The following PCDH9 variants were observed in gnomAD, a reference collection of about 807,000 sequenced individuals.
PCDH9 encodes protocadherin 9.
A neutral mutation model predicts 70.6 loss-of-function variants in PCDH9; 24 were observed. That is an observed-to-expected ratio of 0.34 (90% CI 0.25 to 0.48). The LOEUF is 0.48. Ranked by LOEUF, PCDH9 falls within the 20% of genes least tolerant of loss-of-function variation. The pLI is 0.99. For synonymous variants in PCDH9, 562 were observed against 558.5 expected (o/e 1.01, Z -0.09); for missense variants, 1,281 against 1,503.6 (o/e 0.85, Z 2.45).
intron 4 of PCDH9, among the ~76,000 whole-genome samples, chr13:66,470,433 C>T (rs549864724): frequency 1.3e-5 from 2 of 152,168 alleles, no homozygotes; most frequent in African/African-American, 4.8e-5. Flanking sequence ...TCCCTAAGTA[C>T]GTTAGTACCA....
intron 3 of PCDH9, among the ~76,000 whole-genome samples, chr13:66,781,236 A>G (rs1219340586): frequency 1.3e-5 from 2 of 152,226 alleles, no homozygotes; most frequent in Non-Finnish European, 2.9e-5. Context: ...ATACTCAAAC[A>G]GAAAATGACT....
chr13:66,877,314 A>T (rs1021615922), intron 3 of PCDH9, among the ~76,000 whole-genome samples: 1 of 151,584 alleles, frequency 6.6e-6, no homozygotes, highest in Non-Finnish European at 1.5e-5. Flanking sequence ...TAGAAATAAT[A>T]AAGCAAAATT....
In PCDH9 at chr13:66,854,119, T is replaced by C. The variant is rs2081357530; in HGVS notation, c.3138+49385A>G. Among the ~76,000 whole-genome samples, 4 of 152,194 alleles carry C rather than the reference T, an allele frequency of 2.6e-5. No homozygotes were observed. The South Asian group carries it at 8.3e-4, about 31-fold the overall frequency. ...TGCTCTTTTGTGAATAATTGAGTAT[T>C]GTACTGCTTATAATGAGAAGTATAG... On this transcript the variant is annotated intron_variant, in intron 3 of 4. Transcript: ENST00000377865.
chr13:66,731,294 A>G (rs902262794), intron 3 of PCDH9, among the ~76,000 whole-genome samples: 1 of 152,084 alleles, frequency 6.6e-6, no homozygotes, highest in Admixed American at 6.5e-5. Flanking sequence ...TCATGGTTAT[A>G]TAAAGGATTG....
Position 66,846,827 on chromosome 13 carries a change from G to T in PCDH9, c.3138+56677C>A, listed in dbSNP as rs139468098. The stretch of plus-strand genomic sequence containing the variant: ...AGGCTGTAATAGTAAAACTTGCTAT[G>T]AAAGAGAACAAAATCTTCCTCTGGG... On this transcript the variant is annotated intron_variant, in intron 3 of 4. Transcript: ENST00000377865. 1.1e-3 allele frequency among the ~76,000 whole-genome samples: 169 copies of T among 151,610 alleles called. 5 individuals are homozygous for T. In the East Asian group the frequency reaches 0.028, roughly 25 times the overall value.
At chr13:66,940,573 T>G (rs543562700) in intron 2 of PCDH9, among the ~76,000 whole-genome samples, 1 of 152,246 alleles carries the variant, frequency 6.6e-6, no homozygotes, top group Admixed American at 6.5e-5. Flanking sequence ...TGTTTAACTT[T>G]TGAATAATAA....
intron 4 of PCDH9, among the ~76,000 whole-genome samples, chr13:66,574,686 T>C (rs912197584): frequency 6.6e-6 from 1 of 152,196 alleles, no homozygotes; most frequent in Non-Finnish European, 1.5e-5. Flanking sequence ...TACTGAGCTG[T>C]TCTCCCTTTC....
intron 2 of PCDH9, among the ~76,000 whole-genome samples, chr13:67,184,858 G>A (rs1021976317): frequency 2.0e-5 from 3 of 152,150 alleles, no homozygotes; most frequent in Non-Finnish European, 4.4e-5. Flanking sequence ...TTCACGAGGA[G>A]TGACCTTTTC....
intron 4 of PCDH9, among the ~76,000 whole-genome samples, chr13:66,418,480 T>C (rs1218568580): frequency 6.6e-6 from 1 of 152,192 alleles, no homozygotes; most frequent in African/African-American, 2.4e-5. Flanking sequence ...GTCTTGGCTA[T>C]ATGGGCTCTT....
chr13:67,208,991 G>T (rs2089414920), intron 2 of PCDH9: 2 of 152,108 alleles, frequency 1.3e-5, no homozygotes, highest in African/African-American at 4.8e-5. Flanking sequence ...TTTAGATTGT[G>T]TAAGTATTAT....
At chr13:66,778,476 G>A (rs576651248) in intron 3 of PCDH9, among the ~76,000 whole-genome samples, 2 of 152,234 alleles carry the variant, frequency 1.3e-5, no homozygotes, top group South Asian at 4.2e-4. Flanking sequence ...ATCATGGCAG[G>A]AGTGATGGCT....
At chr13:66,514,151 T>A (rs1006849069) in intron 4 of PCDH9, among the ~76,000 whole-genome samples, 1 of 152,126 alleles carries the variant, frequency 6.6e-6, no homozygotes, top group Non-Finnish European at 1.5e-5. Flanking sequence ...TGGTTAAATA[T>A]GTCTGAGTGA....
At chr13:66,575,481 G>A (rs566300813) in intron 4 of PCDH9, among the ~76,000 whole-genome samples, 65 of 152,180 alleles carry the variant, frequency 4.3e-4, no homozygotes, top group African/African-American at 1.5e-3. Context: ...TTGGAATAAT[G>A]CTGAAAAGCC....
At chr13:66,476,995 G>A (rs961964043) in intron 4 of PCDH9, among the ~76,000 whole-genome samples, 4 of 151,980 alleles carry the variant, frequency 2.6e-5, no homozygotes, top group African/African-American at 9.7e-5. Context: ...TTTATTCAAT[G>A]ATATGAGTTA....
rs146227501 is a variant in PCDH9 at position 66,551,490 on chromosome 13, T to A, written c.3340+79720A>T. On this transcript the variant is annotated intron_variant, in intron 4 of 4. Transcript: ENST00000377865. ...GAGGTGACAGGAAATGAAAGAGTTC[T>A]AGAAACATGTCAAATTTAAGTCACA... Among the ~76,000 whole-genome samples the A allele has an allele frequency of 7.1e-3, 1,079 of 152,276 alleles. 12 individuals carry two copies. The highest frequency in any genetic ancestry group is 0.025 in the African/African-American group (1,022 of 41,558).
At chr13:66,627,320 A>G (rs2077512290) in intron 4 of PCDH9, among the ~76,000 whole-genome samples, 1 of 152,198 alleles carries the variant, frequency 6.6e-6, no homozygotes, top group African/African-American at 2.4e-5. Flanking sequence ...AGAACTAAAT[A>G]GCAAAATTAT....
chr13:66,831,031 T>C (rs2139406911), intron 3 of PCDH9, among the ~76,000 whole-genome samples: 1 of 152,288 alleles, frequency 6.6e-6, no homozygotes, highest in Non-Finnish European at 1.5e-5. Flanking sequence ...TACACAGACA[T>C]GAGTTTATAT....
At chr13:66,406,377 G>C (rs536348460) in intron 4 of PCDH9, among the ~76,000 whole-genome samples, 3 of 152,284 alleles carry the variant, frequency 2.0e-5, no homozygotes, top group Admixed American at 6.5e-5. Context: ...CAATATTTGT[G>C]ATGCACACAG....
chr13:66,824,452 T>C (rs993152748), intron 3 of PCDH9, among the ~76,000 whole-genome samples: 1 of 148,600 alleles, frequency 6.7e-6, no homozygotes, highest in African/African-American at 2.5e-5. Flanking sequence ...GGTCAGGAGT[T>C]TGAGACCAGC....
Sources: gnomAD v4.1 joint callset for allele counts (sites outside exome capture counted in the v4.1 genomes callset) on GRCh38, gnomAD v4.1.1 for gene constraint, MANE v1.5 for transcripts, NCBI Gene and HGNC (gene_info 2026-07-23, HGNC 2026-07-21) for gene names.